SHISA9: variants seen among roughly 807,000 people sequenced by gnomAD.
SHISA9 encodes protein shisa-9.
SHISA9 carries 13 observed loss-of-function variants against 38.0 expected under a neutral mutation model. The observed-to-expected ratio is 0.34, with a 90% CI of 0.22 to 0.54. SHISA9 has a LOEUF of 0.54. Ranked by LOEUF, SHISA9 falls within the 20% of genes least tolerant of loss-of-function variation. The pLI is 0.91. For synonymous variants in SHISA9, 275 were observed against 242.0 expected, an observed-to-expected ratio of 1.14 and a Z score of -1.27; for missense variants, 538 against 575.8, an observed-to-expected ratio of 0.93 and a Z score of 0.67.
the SHISA9 span, among the ~76,000 whole-genome samples, chr16:13,379,799 G>T: frequency 6.6e-6 from 1 of 151,934 alleles, no homozygotes; most frequent in Non-Finnish European, 1.5e-5. Context: ...CAATTTATGT[G>T]GTTCTGGGGA....
intron 2 of SHISA9, among the ~76,000 whole-genome samples, chr16:12,930,859 AC>A (rs1166753581): frequency 6.6e-6 from 1 of 152,178 alleles, no homozygotes; most frequent in East Asian, 1.9e-4. Context: ...AGGGAAAAAA[AC>A]CCATAACAAC....
At chr16:13,523,699 G>A in the SHISA9 span, among the ~76,000 whole-genome samples, 30 of 152,280 alleles carry the variant, frequency 2.0e-4, no homozygotes, top group African/African-American at 6.5e-4. Flanking sequence ...CACCAAGGGG[G>A]ATAGTGCTAA....
At chr16:13,405,706 T>G in the SHISA9 span, among the ~76,000 whole-genome samples, 1 of 152,186 alleles carries the variant, frequency 6.6e-6, no homozygotes, top group Non-Finnish European at 1.5e-5. Flanking sequence ...CTCTTACTTA[T>G]AAGCAAGAAC....
At chr16:13,253,625 A>G in the SHISA9 span, among the ~76,000 whole-genome samples, 2 of 152,190 alleles carry the variant, frequency 1.3e-5, no homozygotes, top group Non-Finnish European at 2.9e-5. Context: ...CTTATTCACT[A>G]TGGCAAAAAC....
At chr16:13,019,303 C>CATTTATTTT (rs1310362870) in intron 2 of SHISA9, among the ~76,000 whole-genome samples, 1 of 152,064 alleles carries the variant, frequency 6.6e-6, no homozygotes, top group African/African-American at 2.4e-5. Flanking sequence ...CTTGGCCAGA[C>CATTTATTTT]ATTTATTTTC....
chr16:12,960,217 T>C (rs1191238315), intron 2 of SHISA9, among the ~76,000 whole-genome samples: 2 of 152,202 alleles, frequency 1.3e-5, no homozygotes, highest in African/African-American at 4.8e-5. Context: ...TTGTCATTCT[T>C]TTTCCCTCCG....
the SHISA9 span, among the ~76,000 whole-genome samples, chr16:13,534,534 T>C: frequency 2.6e-5 from 4 of 152,176 alleles, no homozygotes; most frequent in Non-Finnish European, 5.9e-5. Context: ...CCACAGAATA[T>C]TGACTTATCA....
At chr16:13,386,270 T>C in the SHISA9 span, among the ~76,000 whole-genome samples, 1 of 152,232 alleles carries the variant, frequency 6.6e-6, no homozygotes, top group Non-Finnish European at 1.5e-5. Context: ...CTTTCTGTAT[T>C]ATTTCTTACA....
chr16:12,929,195 T>G (rs2071431842), intron 2 of SHISA9, among the ~76,000 whole-genome samples: 2 of 151,892 alleles, frequency 1.3e-5, no homozygotes, highest in Admixed American at 1.3e-4. Flanking sequence ...TTGGTGGGAG[T>G]GTAAATTAGT....
At chr16:13,337,037 T>C in the SHISA9 span, among the ~76,000 whole-genome samples, 1 of 152,172 alleles carries the variant, frequency 6.6e-6, no homozygotes, top group African/African-American at 2.4e-5. Context: ...TGATGACAAA[T>C]GTTAACTGAT....
chr16:13,211,339 C>A (rs548545302), intron 3 of SHISA9, among the ~76,000 whole-genome samples: 1 of 151,850 alleles, frequency 6.6e-6, no homozygotes, highest in Non-Finnish European at 1.5e-5. Flanking sequence ...TAAAAATTTC[C>A]CTATGATGTT....
intron 2 of SHISA9, among the ~76,000 whole-genome samples, chr16:13,201,787 G>A (rs2051008622): frequency 7.9e-6 from 1 of 126,128 alleles, no homozygotes; most frequent in Non-Finnish European, 1.7e-5. Flanking sequence ...AGGATGAGGT[G>A]TGTGAAGCAT....
chr16:13,482,190 A>T, the SHISA9 span, among the ~76,000 whole-genome samples: 2 of 152,362 alleles, frequency 1.3e-5, no homozygotes, highest in Admixed American at 1.3e-4. Context: ...AAGAGGGTAA[A>T]ATGCAGTCCG....
At chr16:13,210,607 A>C (rs542857891) in intron 3 of SHISA9, among the ~76,000 whole-genome samples, 2 of 152,312 alleles carry the variant, frequency 1.3e-5, no homozygotes, top group African/African-American at 4.8e-5. Context: ...GAAAACCCTA[A>C]AAGCCATACA....
chr16:13,444,375 AAGAG>A, the SHISA9 span, among the ~76,000 whole-genome samples: 2 of 147,334 alleles, frequency 1.4e-5, no homozygotes, highest in Non-Finnish European at 3.0e-5. Context: ...TGTGAAAAGA[AAGAG>A]AGAAGAAGGA....
the SHISA9 span, among the ~76,000 whole-genome samples, chr16:13,425,093 A>C: frequency 1.3e-5 from 2 of 152,272 alleles, no homozygotes; most frequent in Non-Finnish European, 2.9e-5. Flanking sequence ...AAGCGAATGA[A>C]TGCAGAAAAA....
At chr16:13,348,619 CAG>C in the SHISA9 span, among the ~76,000 whole-genome samples, 1 of 151,624 alleles carries the variant, frequency 6.6e-6, no homozygotes, top group Admixed American at 6.6e-5. Flanking sequence ...CAACCACAGA[CAG>C]AGACTGAATG....
At chr16:13,256,880 C>A in the SHISA9 span, among the ~76,000 whole-genome samples, 1 of 152,132 alleles carries the variant, frequency 6.6e-6, no homozygotes, top group African/African-American at 2.4e-5. Flanking sequence ...GTCTTAGACC[C>A]CTTTAAGCAG....
intron 2 of SHISA9, among the ~76,000 whole-genome samples, chr16:12,954,771 C>T (rs1327553680): frequency 6.6e-6 from 1 of 152,240 alleles, no homozygotes; most frequent in South Asian, 2.1e-4. Context: ...TTGAGTTACA[C>T]AGCCATTAAC....
Sources: gnomAD v4.1 joint callset for allele counts (sites outside exome capture counted in the v4.1 genomes callset) on GRCh38, gnomAD v4.1.1 for gene constraint, MANE v1.5 for transcripts, NCBI Gene and HGNC (gene_info 2026-07-23, HGNC 2026-07-21) for gene names.